Variants in DCC observed in about 807,000 individuals in gnomAD.
The protein encoded by DCC is netrin receptor DCC.
A neutral mutation model predicts 172.5 loss-of-function variants in DCC; 58 were observed. The observed-to-expected ratio is 0.34, with a 90% confidence interval of 0.27 to 0.42. DCC has a LOEUF of 0.42. Ranked by LOEUF, DCC falls within the 10% of genes least tolerant of loss-of-function variation. The probability of loss-of-function intolerance (pLI) is 1.00; values close to 1 mark genes in which losing one functional copy is unlikely to be tolerated. For synonymous variants in DCC, 709 were observed against 644.5 expected, an observed-to-expected ratio of 1.10 and a Z score of -1.52; for missense variants, 1,740 against 1,791.0, an observed-to-expected ratio of 0.97 and a Z score of 0.51.
intron 1 of DCC, among the ~76,000 whole-genome samples, chr18:52,724,042 TAGTG>T (rs1568064816): frequency 6.6e-6 from 1 of 152,184 alleles, no homozygotes; most frequent in Non-Finnish European, 1.5e-5. Flanking sequence ...AAAGGGGCAA[TAGTG>T]AGTATTTCAG....
At chr18:53,044,394 C>T (rs777366539) in intron 5 of DCC, among the ~76,000 whole-genome samples, 1 of 151,736 alleles carries the variant, frequency 6.6e-6, no homozygotes, top group African/African-American at 2.4e-5. Flanking sequence ...AGAGAAATGC[C>T]ACTGATTGAA....
intron 7 of DCC, among the ~76,000 whole-genome samples, chr18:53,067,212 T>A (rs1023337810): frequency 6.6e-6 from 1 of 152,120 alleles, no homozygotes; most frequent in Admixed American, 6.5e-5. Context: ...GCTTAATATA[T>A]TGCTGAATTA....
intron 5 of DCC, among the ~76,000 whole-genome samples, chr18:53,054,685 TTGTC>T (rs1422629081): frequency 6.6e-6 from 1 of 152,088 alleles, no homozygotes; most frequent in Non-Finnish European, 1.5e-5. Context: ...ATGGGATTAT[TTGTC>T]TGGCTAAAGA....
intron 5 of DCC, among the ~76,000 whole-genome samples, chr18:53,019,815 A>G (rs1359896513): frequency 1.3e-5 from 2 of 152,150 alleles, no homozygotes; most frequent in African/African-American, 4.8e-5. Context: ...TGCAATACCA[A>G]AGCAGACAGC....
At chr18:53,191,977 A>G (rs1246652584) in intron 9 of DCC, among the ~76,000 whole-genome samples, 2 of 152,186 alleles carry the variant, frequency 1.3e-5, no homozygotes, top group Admixed American at 1.3e-4. Flanking sequence ...GCTGAAGTCT[A>G]TTTGTCTTCC....
chr18:52,655,526 G>A (rs1006332112), intron 1 of DCC, among the ~76,000 whole-genome samples: 2 of 151,976 alleles, frequency 1.3e-5, no homozygotes, highest in Non-Finnish European at 2.9e-5. Flanking sequence ...AGCCATGGAA[G>A]GAATGATATG....
intron 1 of DCC, among the ~76,000 whole-genome samples, chr18:52,532,436 G>A (rs1309480742): frequency 6.6e-6 from 1 of 152,118 alleles, no homozygotes; most frequent in Non-Finnish European, 1.5e-5. Flanking sequence ...ATTGTTCTGT[G>A]TAGTATGTGT....
intron 2 of DCC, among the ~76,000 whole-genome samples, chr18:52,863,351 G>A (rs1230879361): frequency 2.6e-5 from 4 of 151,740 alleles, no homozygotes; most frequent in African/African-American, 7.2e-5. Context: ...TAGGAAATAA[G>A]TAATTTTAAC....
At chr18:53,411,094 A>G (rs896197378) in intron 20 of DCC, among the ~76,000 whole-genome samples, 1 of 151,404 alleles carries the variant, frequency 6.6e-6, no homozygotes, top group African/African-American at 2.4e-5. Context: ...ACCAAAAAAA[A>G]AGTCTATTTA....
chr18:52,881,313 C>A (rs1036776120), intron 2 of DCC, among the ~76,000 whole-genome samples: 8 of 151,852 alleles, frequency 5.3e-5, no homozygotes, highest in African/African-American at 1.9e-4. Context: ...GTTTCCTTTT[C>A]ATGTTGACTG....
intron 8 of DCC, among the ~76,000 whole-genome samples, chr18:53,178,696 G>T (rs2055146847): frequency 6.6e-6 from 1 of 152,128 alleles, no homozygotes; most frequent in Admixed American, 6.6e-5. Context: ...ATTGTAAAGT[G>T]TCGAGGAAAA....
intron 26 of DCC, among the ~76,000 whole-genome samples, chr18:53,489,534 C>CTTA (rs2045937909): frequency 6.6e-6 from 1 of 152,090 alleles, no homozygotes; most frequent in Non-Finnish European, 1.5e-5. Flanking sequence ...GTGGATATAT[C>CTTA]TTATTAGTCG....
At chr18:52,931,998 T>C (rs180729770) in intron 5 of DCC, 3 of 152,174 alleles carry the variant, frequency 2.0e-5, no homozygotes, top group Admixed American at 6.6e-5. Context: ...TCTGGGAAGA[T>C]ATGAAGAGTT....
chr18:53,467,277 C>T (rs537111146), intron 24 of DCC, among the ~76,000 whole-genome samples: 7 of 151,874 alleles, frequency 4.6e-5, no homozygotes, highest in East Asian at 1.9e-4. Flanking sequence ...TTTTTTAATA[C>T]GTATTATAAT....
intron 28 of DCC, among the ~76,000 whole-genome samples, chr18:53,528,655 A>G (rs937120705): frequency 1.3e-5 from 2 of 152,180 alleles, no homozygotes; most frequent in Non-Finnish European, 2.9e-5. Flanking sequence ...ATAATGTGTA[A>G]TTTTAAATTG....
chr18:53,233,897 T>C (rs1454258427), intron 12 of DCC, among the ~76,000 whole-genome samples: 1 of 152,120 alleles, frequency 6.6e-6, no homozygotes, highest in Non-Finnish European at 1.5e-5. Flanking sequence ...GTGGATCACC[T>C]GCGGTCAGGA....
intron 1 of DCC, among the ~76,000 whole-genome samples, chr18:52,491,578 G>A (rs1189972275): frequency 1.3e-5 from 2 of 152,114 alleles, no homozygotes; most frequent in African/African-American, 4.8e-5. Flanking sequence ...CATGGCGTAA[G>A]CCCAGAGAGC....
intron 1 of DCC, among the ~76,000 whole-genome samples, chr18:52,687,046 CA>C (rs1461305771): frequency 6.6e-6 from 1 of 152,066 alleles, no homozygotes; most frequent in East Asian, 1.9e-4. Flanking sequence ...TTCCCAACTA[CA>C]GAGTGTAATT....
intron 1 of DCC, among the ~76,000 whole-genome samples, chr18:52,562,476 AGTTT>A (rs1468501368): frequency 6.6e-6 from 1 of 152,172 alleles, no homozygotes; most frequent in Non-Finnish European, 1.5e-5. Context: ...AGCCACATAG[AGTTT>A]GTTTAATATT....
Sources: gnomAD v4.1 joint callset for allele counts (sites outside exome capture counted in the v4.1 genomes callset) on GRCh38, gnomAD v4.1.1 for gene constraint, MANE v1.5 for transcripts, NCBI Gene and HGNC (gene_info 2026-07-23, HGNC 2026-07-21) for gene names.